TAOK1: variants seen among roughly 807,000 people sequenced by gnomAD.
TAOK1 encodes serine/threonine-protein kinase TAO1.
In TAOK1, 21 loss-of-function variants were observed where a neutral mutation model predicts 138.3. The observed-to-expected ratio is 0.15, with a 90% CI of 0.11 to 0.22. The LOEUF (loss-of-function observed/expected upper bound fraction) is 0.22, where lower values mean the gene tolerates loss of function less well. Among genes scored for constraint, TAOK1 ranks in the 10% least tolerant of loss-of-function variants. The pLI, the probability that TAOK1 is intolerant of heterozygous loss-of-function variation, is 1.00. For synonymous variants in TAOK1, 361 were observed against 398.4 expected (o/e 0.91, Z 1.12); for missense variants, 651 against 1,227.7 (o/e 0.53, Z 7.02).
At chr17:29,426,294 C>T (rs1022897988) in intron 1 of TAOK1, among the ~76,000 whole-genome samples, 1 of 152,014 alleles carries the variant, frequency 6.6e-6, no homozygotes, top group Non-Finnish European at 1.5e-5. Flanking sequence ...CTGCAGAGAG[C>T]GTATTGTTCC....
At chr17:29,461,199 C>G (rs1369641559) in intron 2 of TAOK1, among the ~76,000 whole-genome samples, 1 of 152,124 alleles carries the variant, frequency 6.6e-6, no homozygotes, top group Non-Finnish European at 1.5e-5. Flanking sequence ...CTGTAAAGAG[C>G]ATTACTCAAA....
chr17:29,413,756 A>G (rs975395455), intron 1 of TAOK1, among the ~76,000 whole-genome samples: 2 of 150,634 alleles, frequency 1.3e-5, no homozygotes, highest in Non-Finnish European at 2.9e-5. Flanking sequence ...GTTGCTCGCT[A>G]TTTTCCTCTC....
At chr17:29,519,284 G>C (rs2031874109) in intron 16 of TAOK1, among the ~76,000 whole-genome samples, 1 of 152,134 alleles carries the variant, frequency 6.6e-6, no homozygotes, top group Non-Finnish European at 1.5e-5. Context: ...GCCAAGGCAG[G>C]TGGATCACTT....
intron 1 of TAOK1, among the ~76,000 whole-genome samples, chr17:29,432,666 G>T (rs943340913): frequency 2.0e-5 from 3 of 152,078 alleles, no homozygotes; most frequent in Admixed American, 6.6e-5. Flanking sequence ...GTAGAGATGG[G>T]GTTTCACCAT....
intron 1 of TAOK1, among the ~76,000 whole-genome samples, chr17:29,410,219 A>C (rs144625939): frequency 2.0e-5 from 3 of 152,120 alleles, no homozygotes; most frequent in African/African-American, 7.2e-5. Context: ...TGTTAAAAGG[A>C]TTAGATGCAT....
intron 12 of TAOK1, among the ~76,000 whole-genome samples, chr17:29,501,853 A>G (rs951519294): frequency 4.6e-5 from 7 of 151,750 alleles, no homozygotes; most frequent in Admixed American, 1.3e-4. Flanking sequence ...CCTGGGCAAC[A>G]TGGCAGAACC....
chr17:29,478,423 A>T, intron 6 of TAOK1, 76 bp downstream of exon 6: 1 of 1,080,280 alleles, frequency 9.3e-7, no homozygotes, highest in Non-Finnish European at 1.3e-6. Flanking sequence ...TATTAACTCT[A>T]AAGTTTTTAT....
chr17:29,537,391 C>T (rs2032240220), intron 19 of TAOK1, among the ~76,000 whole-genome samples: 1 of 151,760 alleles, frequency 6.6e-6, no homozygotes. Context: ...ACTCTGTTGC[C>T]CAGGCTAGAG....
chr17:29,393,441 G>A (rs747214005), intron 1 of TAOK1, among the ~76,000 whole-genome samples: 3 of 152,094 alleles, frequency 2.0e-5, no homozygotes, highest in Non-Finnish European at 4.4e-5. Flanking sequence ...GGAAAAGTAT[G>A]TTCATGATCA....
chr17:29,461,208 A>T lies in TAOK1; in HGVS notation c.133-5937A>T, dbSNP rs531814733. 9.8e-5 allele frequency among the ~76,000 whole-genome samples: 15 copies of T among 152,314 alleles called. No homozygotes were observed. The East Asian group carries it at 2.1e-3, about 22-fold the overall frequency. ...AAAAGCCTGTAAAGAGCATTACTCAAACGTTGGTGAAATTTGAGTGCGTAC... is the reference window on the plus strand; with the variant it reads ...AAAAGCCTGTAAAGAGCATTACTCATACGTTGGTGAAATTTGAGTGCGTAC... On this transcript the variant is annotated intron_variant, in intron 2 of 19. Transcript: ENST00000261716.
chr17:29,535,582 T>G (rs1228585740), intron 19 of TAOK1, among the ~76,000 whole-genome samples: 1 of 152,102 alleles, frequency 6.6e-6, no homozygotes, highest in East Asian at 1.9e-4. Flanking sequence ...AAACCAGGTG[T>G]TGTGGCTCAT....
Position 29,393,407 on chromosome 17 carries a change from C to G in TAOK1, c.-95+2383C>G, listed in dbSNP as rs1205655734. On this transcript the variant is annotated intron_variant, in intron 1 of 19. Transcript: ENST00000261716. Reference sequence around the variant, plus strand: ...AAAAAACAACTCTCTTTTTTCATAGCTGGTAGGAATGTTGCCTAAAAGTGG... The same window carrying G: ...AAAAAACAACTCTCTTTTTTCATAGGTGGTAGGAATGTTGCCTAAAAGTGG... 3.9e-5 allele frequency among the ~76,000 whole-genome samples: 6 copies of G among 152,084 alleles called. No homozygotes were observed. In the East Asian group the frequency reaches 1.2e-3, roughly 29 times the overall value.
chr17:29,482,171 T>A, intron 7 of TAOK1, 26 bp from the exon 8 acceptor site: 2 of 1,551,112 alleles, frequency 1.3e-6, no homozygotes, highest in Non-Finnish European at 1.8e-6. Flanking sequence ...AAAAAATCTT[T>A]AATTTAAATT....
chr17:29,451,803 G>A (rs2030244946), intron 2 of TAOK1, 123 bp downstream of exon 2: 4 of 1,176,526 alleles, frequency 3.4e-6, no homozygotes, highest in Non-Finnish European at 4.7e-6. Context: ...TGCATAGGGG[G>A]AAGAGAGAGA....
At chr17:29,400,055 A>G (rs1904789581) in intron 1 of TAOK1, among the ~76,000 whole-genome samples, 1 of 152,046 alleles carries the variant, frequency 6.6e-6, no homozygotes, top group African/African-American at 2.4e-5. Flanking sequence ...TTAATTTATC[A>G]CAGGTTTTCT....
chr17:29,514,364 TG>T (rs1162067885), intron 15 of TAOK1: 4 of 152,130 alleles, frequency 2.6e-5, no homozygotes, highest in African/African-American at 9.7e-5. Flanking sequence ...GATGGTGTTT[TG>T]TTTTGCTTTT....
chr17:29,424,436 C>CAA lies in TAOK1; in HGVS notation c.-94-26998_-94-26997dup, dbSNP rs781589064. Among the ~76,000 whole-genome samples, 435 of 71,082 alleles carry CAA rather than the reference C, an allele frequency of 6.1e-3. 3 individuals are homozygous for CAA. Among genetic ancestry groups the CAA allele is most frequent in the East Asian group, 0.026 (63 of 2,448 alleles). The allele number at this position is 71,082 out of a possible 152,430, so 46.6% of individuals were successfully genotyped here. A position where few individuals can be genotyped will look rare whatever the true frequency, so the allele number is the denominator to read the frequency against. ...TTGGCAACAGAGCGAGACTCCCTCT[C>CAA]AAAAAAAAAAAAAAAAAAAAAAGAC... On this transcript the variant is annotated intron_variant, in intron 1 of 19. Transcript: ENST00000261716.
At chr17:29,391,964 C>A (rs1241654613) in intron 1 of TAOK1, among the ~76,000 whole-genome samples, 1 of 152,190 alleles carries the variant, frequency 6.6e-6, no homozygotes, top group Non-Finnish European at 1.5e-5. Context: ...CGCCTGTAAT[C>A]CCAGCACTTT....
chr17:29,423,352 A>G (rs1905517858), intron 1 of TAOK1, among the ~76,000 whole-genome samples: 2 of 150,994 alleles, frequency 1.3e-5, no homozygotes, highest in Admixed American at 6.6e-5. Flanking sequence ...AGTAGCTGGG[A>G]CTACAGGTGC....
Sources: gnomAD v4.1 joint callset for allele counts (sites outside exome capture counted in the v4.1 genomes callset) on GRCh38, gnomAD v4.1.1 for gene constraint, MANE v1.5 for transcripts, NCBI Gene and HGNC (gene_info 2026-07-23, HGNC 2026-07-21) for gene names.